Variants in PIGF observed in about 807,000 individuals in gnomAD.
The protein encoded by PIGF is phosphatidylinositol glycan anchor biosynthesis class F.
Under a neutral mutation model 26.0 loss-of-function variants are expected in PIGF, and 23 were observed. The ratio of observed to expected loss-of-function variants is 0.88; its 90% CI spans 0.64 to 1.25. PIGF has a LOEUF of 1.25. PIGF is among the 50% of genes most tolerant of loss of function. The probability of loss-of-function intolerance (pLI) is 0.00; values close to 1 mark genes in which losing one functional copy is unlikely to be tolerated. For missense variants in PIGF, 278 were observed against 249.9 expected, an observed-to-expected ratio of 1.11 and a Z score of -0.76; for synonymous variants, 93 against 92.6, an observed-to-expected ratio of 1.00 and a Z score of -0.03.
At chr2:46,587,990 C>A in intron 5 of PIGF, 1 of 1,142,802 alleles carries the variant, frequency 8.8e-7, no homozygotes, top group South Asian at 2.4e-5. Context: ...CTCCCTCTTC[C>A]CACCTGAGTA....
At chr2:46,616,506 C>A (rs1485213256) in intron 1 of PIGF, 3 of 152,838 alleles carry the variant, frequency 2.0e-5, no homozygotes, top group African/African-American at 4.8e-5. Context: ...AAGAGGGAAC[C>A]AGCACCGGTT....
intron 4 of PIGF, among the ~76,000 whole-genome samples, chr2:46,596,533 A>G (rs1278270808): frequency 6.6e-6 from 1 of 152,128 alleles, no homozygotes; most frequent in African/African-American, 2.4e-5. Flanking sequence ...TGACATCTTT[A>G]AAGTAAAGGA....
At chr2:46,607,318 C>G (rs533039575) in intron 4 of PIGF, among the ~76,000 whole-genome samples, 171 of 152,198 alleles carry the variant, frequency 1.1e-3, no homozygotes, top group African/African-American at 4.0e-3. Flanking sequence ...AGAAGCAAAC[C>G]TTTACCAAGG....
intron 4 of PIGF, among the ~76,000 whole-genome samples, chr2:46,593,399 G>C (rs2104082824): frequency 6.6e-6 from 1 of 152,274 alleles, no homozygotes; most frequent in Middle Eastern, 3.4e-3. Context: ...CCAAAGTGTT[G>C]GGATTATAGG....
intron 4 of PIGF, among the ~76,000 whole-genome samples, chr2:46,600,057 C>T (rs1389352020): frequency 6.6e-6 from 1 of 152,336 alleles, no homozygotes; most frequent in Admixed American, 6.5e-5. Context: ...TAATATTCCA[C>T]TGAAATTTAA....
chr2:46,588,049 G>A lies in PIGF; in HGVS notation c.546+4426C>T. 6.6e-7 allele frequency: 1 copy of A among 1,523,126 alleles called. No homozygotes were observed. The highest frequency in any genetic ancestry group is 8.8e-7 in the Non-Finnish European group (1 of 1,134,940). The allele number at this position is 1,523,126 out of a possible 1,614,324, so 94.4% of individuals were successfully genotyped here. A position where few individuals can be genotyped will look rare whatever the true frequency, so the allele number is the denominator to read the frequency against. Reference sequence around the variant, plus strand: ...TCCCCTCTCACACTTGGACTTTCTAGTGTATAAAATGGGAGTAAAACCTAC... The same window carrying A: ...TCCCCTCTCACACTTGGACTTTCTAATGTATAAAATGGGAGTAAAACCTAC... On this transcript the variant is annotated intron_variant, in intron 5 of 5. Coordinates refer to ENST00000281382, the MANE Select transcript of PIGF (RefSeq NM_002643.4). This position sits in a 1 kb window ranked among gnomAD's most constrained non-coding sequence, Gnocchi z 4.1.
intron 4 of PIGF, among the ~76,000 whole-genome samples, chr2:46,610,526 C>CT (rs10690699): frequency 0.32 from 35,739 of 110,306 alleles, 6,956 homozygotes; most frequent in Non-Finnish European, 0.38. Context: ...GTACTGATTC[C>CT]TTTTTTTTTT....
intron 4 of PIGF, among the ~76,000 whole-genome samples, chr2:46,595,696 G>A (rs2104090112): frequency 6.6e-6 from 1 of 152,198 alleles, no homozygotes; most frequent in South Asian, 2.1e-4. Context: ...TTCCAAAATG[G>A]CTGAACCATT....
chr2:46,609,962 G>C (rs564284672), intron 4 of PIGF, among the ~76,000 whole-genome samples: 31 of 152,260 alleles, frequency 2.0e-4, no homozygotes, highest in African/African-American at 6.5e-4. Context: ...GCTTGATGCA[G>C]GGTTGCCACA....
intron 4 of PIGF, among the ~76,000 whole-genome samples, chr2:46,608,511 A>G (rs1405251558): frequency 6.6e-6 from 1 of 152,196 alleles, no homozygotes; most frequent in Non-Finnish European, 1.5e-5. Flanking sequence ...AATGGCATCC[A>G]TCTAGAATGG....
In PIGF at chr2:46,581,567, C is replaced by G; in HGVS notation, c.571G>C (p.Gly191Arg). The G allele has an allele frequency of 6.2e-7, 1 of 1,611,394 alleles. No homozygotes were observed. Among genetic ancestry groups the G allele is most frequent in the Non-Finnish European group, 8.5e-7 (1 of 1,179,480 alleles). The change falls in exon 6 of 6, where the codon GGA becomes CGA. Residue 191 changes from glycine to arginine, a missense_variant. Coordinates refer to ENST00000281382, the MANE Select transcript of PIGF (RefSeq NM_002643.4). ...CCAGCCACGTAGCCAAAGGTCGCTC[C>G]AAGCGTACAGGAGATGGGCCATACC... is the stretch of plus-strand genomic sequence containing the variant. The part of the protein sequence containing the change: ...WQVWPISCTL[G>R]ATFGYVAGLV...
chr2:46,597,162 C>A (rs1004486342), intron 4 of PIGF, among the ~76,000 whole-genome samples: 8 of 152,128 alleles, frequency 5.3e-5, no homozygotes, highest in African/African-American at 1.9e-4. Context: ...TTCCCTTTGC[C>A]TCTCTCAGTT....
chr2:46,604,590 T>G (rs1224754119), intron 4 of PIGF, among the ~76,000 whole-genome samples: 1 of 151,988 alleles, frequency 6.6e-6, no homozygotes, highest in Non-Finnish European at 1.5e-5. Flanking sequence ...GTCATTATGT[T>G]AAATGAAATA....
At chr2:46,592,722 T>A in intron 4 of PIGF, 139 bp from the exon 5 acceptor site, 3 of 588,088 alleles carry the variant, frequency 5.1e-6, no homozygotes, top group South Asian at 2.1e-5. Context: ...CATATACATA[T>A]TTACCATGAA....
chr2:46,585,070 C>A (rs1185055760), intron 5 of PIGF, among the ~76,000 whole-genome samples: 1 of 152,156 alleles, frequency 6.6e-6, no homozygotes, highest in Non-Finnish European at 1.5e-5. Flanking sequence ...CTTCATGCCA[C>A]AAATAGGATT....
rs370735799 is a variant in PIGF, at chr2:46,612,250, G to A, written c.415C>T (p.Leu139=). The A allele has an allele frequency of 4.0e-4, 532 of 1,344,538 alleles. No homozygotes were observed. Among genetic ancestry groups the A allele is most frequent in the Non-Finnish European group, 5.0e-4 (505 of 1,005,872 alleles). 83.3% of individuals were successfully genotyped at this position (1,344,538 alleles called of 1,614,324 possible). A position where few individuals can be genotyped will look rare whatever the true frequency, so the allele number is the denominator to read the frequency against. ...TACCCATTTCTACTGAACACTCTTA[G>A]CCATGCTTTGAGGTTTGGTCCTAAC... ...CLLGPNLKAW[L]RVFSRNGVTS... The change falls in exon 4 of 6, where the codon CTA becomes TTA. Residue 139 remains leucine, a synonymous_variant. Coordinates refer to ENST00000281382, the MANE Select transcript of PIGF (RefSeq NM_002643.4).
intron 4 of PIGF, among the ~76,000 whole-genome samples, chr2:46,604,198 C>G (rs1670146092): frequency 1.3e-5 from 2 of 151,790 alleles, no homozygotes; most frequent in African/African-American, 2.4e-5. Flanking sequence ...GGCTTTTATC[C>G]AAAAGGCAGG....
chr2:46,615,533 G>C, intron 1 of PIGF: 1 of 168,710 alleles, frequency 5.9e-6, no homozygotes, highest in Non-Finnish European at 1.3e-5. Flanking sequence ...CAACTGTGTG[G>C]ATTAAATTAT....
At chr2:46,599,643 A>G (rs938204914) in intron 4 of PIGF, among the ~76,000 whole-genome samples, 10 of 152,116 alleles carry the variant, frequency 6.6e-5, no homozygotes, top group African/African-American at 2.2e-4. Context: ...TAATTCTGCA[A>G]TCTTCTTCTC....
Sources: gnomAD v4.1 joint callset for allele counts (sites outside exome capture counted in the v4.1 genomes callset) on GRCh38, gnomAD v4.1.1 for gene constraint, Gnocchi (gnomAD v3.1) non-coding constraint, MANE v1.5 for transcripts, NCBI Gene and HGNC (gene_info 2026-07-23, HGNC 2026-07-21) for gene names.